Variants in KIF13B observed in about 807,000 individuals in gnomAD.
KIF13B encodes the protein kinesin-like protein KIF13B.
Under a neutral mutation model 222.0 loss-of-function variants are expected in KIF13B, and 127 were observed. That is an observed-to-expected ratio of 0.57 (90% CI 0.50 to 0.66). The LOEUF (loss-of-function observed/expected upper bound fraction) is 0.66. Among genes scored for constraint, KIF13B ranks in the 30% least tolerant of loss-of-function variants. The pLI is 0.00. For missense variants in KIF13B, 2,173 were observed against 2,379.0 expected (o/e 0.91, Z 1.80); for synonymous variants, 976 against 919.0 (o/e 1.06, Z -1.12).
At chr8:29,144,461 T>C (rs1338214756) in intron 18 of KIF13B, among the ~76,000 whole-genome samples, 1 of 152,156 alleles carries the variant, frequency 6.6e-6, no homozygotes, top group East Asian at 1.9e-4. Context: ...TTTCATCATA[T>C]TGGCCAGGCT....
chr8:29,163,309 G>T (rs1189232461), intron 12 of KIF13B, among the ~76,000 whole-genome samples: 2 of 152,140 alleles, frequency 1.3e-5, no homozygotes, highest in African/African-American at 4.8e-5. Flanking sequence ...ATGATGTAAG[G>T]GTCAAAGGGT....
intron 3 of KIF13B, among the ~76,000 whole-genome samples, chr8:29,195,084 C>T (rs1449077140): frequency 4.6e-5 from 7 of 151,986 alleles, no homozygotes; most frequent in Admixed American, 6.6e-5. Flanking sequence ...CCCGTCTCTA[C>T]CAAAAATACA....
intron 2 of KIF13B, among the ~76,000 whole-genome samples, chr8:29,225,720 A>T (rs1814990667): frequency 6.6e-6 from 1 of 152,176 alleles, no homozygotes; most frequent in Non-Finnish European, 1.5e-5. Flanking sequence ...CCAACTAAAG[A>T]ATGTTCGTCT....
intron 2 of KIF13B, among the ~76,000 whole-genome samples, chr8:29,225,585 T>A (rs1295444469): frequency 6.6e-6 from 1 of 152,230 alleles, no homozygotes; most frequent in Non-Finnish European, 1.5e-5. Context: ...CATTTGTTTT[T>A]AGACTAGACA....
At chr8:29,243,164 T>C (rs1230383775) in intron 2 of KIF13B, among the ~76,000 whole-genome samples, 4 of 151,512 alleles carry the variant, frequency 2.6e-5, no homozygotes, top group Non-Finnish European at 5.9e-5. Context: ...CTGGCCAACA[T>C]GGTGAAACCC....
chr8:29,158,377 T>G (rs1050501369), intron 13 of KIF13B, among the ~76,000 whole-genome samples: 5 of 152,240 alleles, frequency 3.3e-5, no homozygotes, highest in Non-Finnish European at 5.9e-5. Flanking sequence ...TAAGCAGGGA[T>G]AGCATCTCAG....
intron 8 of KIF13B, among the ~76,000 whole-genome samples, chr8:29,178,040 T>A (rs1342537820): frequency 6.6e-6 from 1 of 152,212 alleles, no homozygotes; most frequent in Non-Finnish European, 1.5e-5. Context: ...AACTGTACAA[T>A]CTAACGGTGG....
At chr8:29,196,936 C>T (rs540951454) in intron 2 of KIF13B, among the ~76,000 whole-genome samples, 1 of 152,296 alleles carries the variant, frequency 6.6e-6, no homozygotes, top group African/African-American at 2.4e-5. Flanking sequence ...CCTGTACTTA[C>T]TGAATTACTC....
chr8:29,104,056 C>T lies in KIF13B; in HGVS notation c.4215+4083G>A, dbSNP rs562564817. On this transcript the variant is annotated intron_variant, in intron 35 of 39. Coordinates refer to ENST00000524189, the MANE Select transcript of KIF13B (RefSeq NM_015254.4). ...ATGGAGTCCTTCCTAAAACACTCCT[C>T]CCCTGGACTTCTGAGACTCCCTTGG... 1.8e-4 allele frequency among the ~76,000 whole-genome samples: 27 copies of T among 152,208 alleles called. No homozygotes were observed. The East Asian group carries it at 4.4e-3, about 25-fold the overall frequency.
At chr8:29,094,253 T>C (rs995930223) in intron 36 of KIF13B, among the ~76,000 whole-genome samples, 5 of 150,358 alleles carry the variant, frequency 3.3e-5, no homozygotes, top group African/African-American at 4.9e-5. Flanking sequence ...GGGGACAGAA[T>C]TGCGTTTCAA....
Position 29,263,060 on chromosome 8 carries a change from G to A in KIF13B, c.-26C>T, listed in dbSNP as rs750154685. On this transcript the variant is annotated 5_prime_UTR_variant, in exon 1 of 40. Transcript: ENST00000524189. ...CCTGCAGCCGCCGAGGAACTCGTTCGGCTTCCGTCTGCCGCGGCCACCGGC... is the reference window on the plus strand; with the variant it reads ...CCTGCAGCCGCCGAGGAACTCGTTCAGCTTCCGTCTGCCGCGGCCACCGGC... The A allele has an allele frequency of 7.6e-6, 12 of 1,578,734 alleles. No individual in the cohort carries two copies. Among genetic ancestry groups the A allele is most frequent in the South Asian group, 4.7e-5 (4 of 85,614 alleles).
At chr8:29,230,574 A>G (rs2130582730) in intron 2 of KIF13B, among the ~76,000 whole-genome samples, 1 of 152,276 alleles carries the variant, frequency 6.6e-6, no homozygotes, top group East Asian at 1.9e-4. Flanking sequence ...CTCAGAAAGC[A>G]AAGACCAAGG....
intron 24 of KIF13B, 112 bp from the exon 25 acceptor site, chr8:29,127,380 T>TTAAG (rs1187677465): frequency 1.3e-6 from 1 of 756,930 alleles, no homozygotes; most frequent in African/African-American, 1.7e-5. Flanking sequence ...TCAGACACTG[T>TTAAG]CACTATACCT....
intron 21 of KIF13B, among the ~76,000 whole-genome samples, chr8:29,139,130 G>A (rs565035655): frequency 2.6e-4 from 39 of 152,210 alleles, no homozygotes; most frequent in African/African-American, 7.9e-4. Flanking sequence ...ATGGGGATTC[G>A]TAACACATTT....
intron 6 of KIF13B, 69 bp from the exon 7 acceptor site, chr8:29,182,075 C>T: frequency 8.6e-7 from 1 of 1,164,666 alleles, no homozygotes; most frequent in Non-Finnish European, 1.3e-6. Context: ...CAGCTCTGCT[C>T]CATAAAAATA....
intron 24 of KIF13B, among the ~76,000 whole-genome samples, chr8:29,127,532 T>C (rs1394928697): frequency 6.6e-6 from 1 of 152,126 alleles, no homozygotes; most frequent in Non-Finnish European, 1.5e-5. Flanking sequence ...AGAAAGGAAA[T>C]GCAAACAGTT....
At chr8:29,177,318 C>A in intron 9 of KIF13B, 148 bp downstream of exon 9, 1 of 610,184 alleles carries the variant, frequency 1.6e-6, no homozygotes. Context: ...CCCCATCAGG[C>A]ATCTCAACAA....
intron 29 of KIF13B, among the ~76,000 whole-genome samples, chr8:29,121,925 T>C (rs1809878626): frequency 6.6e-6 from 1 of 152,142 alleles, no homozygotes; most frequent in Non-Finnish European, 1.5e-5. Context: ...GTATCGCTAG[T>C]TATTTGTCCT....
Position 29,116,905 on chromosome 8 carries a change from C to T in KIF13B, c.3763G>A (p.Val1255Ile). 6.2e-7 allele frequency: 1 copy of T among 1,613,730 alleles called. No homozygotes were observed. Among genetic ancestry groups the T allele is most frequent in the Non-Finnish European group, 8.5e-7 (1 of 1,179,700 alleles). The change falls in exon 31 of 40, where the codon GTC becomes ATC. Residue 1255 changes from valine (V) to isoleucine (I), a missense_variant. Transcript: ENST00000524189. ...ERLFLIVRVTVQLSHPADMQL... is the reference protein window; with the variant it reads ...ERLFLIVRVTIQLSHPADMQL... The stretch of plus-strand genomic sequence containing the variant: ...ATGTCAGCAGGGTGGCTGAGCTGGA[C>T]CGTCACGCGCACGATCAGGAACAAC...
Sources: gnomAD v4.1 joint callset for allele counts (sites outside exome capture counted in the v4.1 genomes callset) on GRCh38, gnomAD v4.1.1 for gene constraint, MANE v1.5 for transcripts, NCBI Gene and HGNC (gene_info 2026-07-23, HGNC 2026-07-21) for gene names.